Variants in GALNTL6 observed in about 807,000 individuals in gnomAD.
GALNTL6 encodes the protein polypeptide N-acetylgalactosaminyltransferase like 6.
In GALNTL6, 46 loss-of-function variants were observed where a neutral mutation model predicts 73.7. That is an observed-to-expected ratio of 0.62 (90% CI 0.49 to 0.80). The LOEUF is 0.80. Among genes scored for constraint, GALNTL6 ranks in the 30% least tolerant of loss-of-function variants. GALNTL6 has a pLI of 0.00. For synonymous variants in GALNTL6, 259 were observed against 263.7 expected (o/e 0.98, Z 0.17); for missense variants, 604 against 755.0 (o/e 0.80, Z 2.34).
At chr4:172,433,790 C>T (rs942473588) in intron 5 of GALNTL6, among the ~76,000 whole-genome samples, 5 of 151,988 alleles carry the variant, frequency 3.3e-5, no homozygotes, top group African/African-American at 1.2e-4. Context: ...ACTATTGGTT[C>T]TATTACTTTC....
chr4:172,004,526 T>C (rs1379366341), intron 2 of GALNTL6, among the ~76,000 whole-genome samples: 1 of 152,094 alleles, frequency 6.6e-6, no homozygotes, highest in East Asian at 1.9e-4. Flanking sequence ...CCTGCTCAGT[T>C]TTACTAATTA....
chr4:173,038,994 G>C (rs1353197522), intron 12 of GALNTL6, among the ~76,000 whole-genome samples: 1 of 152,180 alleles, frequency 6.6e-6, no homozygotes, highest in Non-Finnish European at 1.5e-5. Flanking sequence ...GACAACATTA[G>C]AGGTAAAATT....
chr4:172,977,337 C>T (rs575452613), intron 10 of GALNTL6, among the ~76,000 whole-genome samples: 3 of 152,128 alleles, frequency 2.0e-5, no homozygotes, highest in African/African-American at 4.8e-5. Context: ...AGAGGCACTG[C>T]CAAAATTTAC....
intron 2 of GALNTL6, among the ~76,000 whole-genome samples, chr4:171,840,935 T>C (rs114933702): frequency 9.2e-5 from 14 of 152,322 alleles, no homozygotes; most frequent in African/African-American, 2.6e-4. Flanking sequence ...GCTATTGTTA[T>C]CTCTCAAAAG....
At chr4:172,401,726 G>A (rs1490985768) in intron 5 of GALNTL6, among the ~76,000 whole-genome samples, 2 of 151,936 alleles carry the variant, frequency 1.3e-5, no homozygotes, top group Admixed American at 1.3e-4. Context: ...CACATTTGTG[G>A]CTAAATTAAA....
chr4:172,656,812 A>T (rs1221233610), intron 5 of GALNTL6, among the ~76,000 whole-genome samples: 1 of 152,260 alleles, frequency 6.6e-6, no homozygotes, highest in Non-Finnish European at 1.5e-5. Flanking sequence ...AAACTAGAGC[A>T]GACGTGCTTT....
chr4:172,712,778 A>C (rs184710041), intron 5 of GALNTL6, among the ~76,000 whole-genome samples: 75 of 152,344 alleles, frequency 4.9e-4, no homozygotes, highest in Admixed American at 2.5e-3. Flanking sequence ...TTGCATAACT[A>C]TCACCTGTCA....
rs1334651039 is a variant in GALNTL6, at chr4:172,673,520, C to T, written c.554-135841C>T. The stretch of plus-strand genomic sequence containing the variant: ...TCCAGTGCTGAGTTCAGGTCCTAAA[C>T]ATATTTGTTAGCTTTCTGTCTTGAT... On this transcript the variant is annotated intron_variant, in intron 5 of 12. Transcript: ENST00000506823. 2.0e-5 allele frequency among the ~76,000 whole-genome samples: 3 copies of T among 152,038 alleles called. No homozygotes were observed. The South Asian group carries it at 6.2e-4, about 32-fold the overall frequency.
intron 5 of GALNTL6, among the ~76,000 whole-genome samples, chr4:172,472,205 A>G (rs931772510): frequency 6.6e-6 from 1 of 152,146 alleles, no homozygotes; most frequent in Non-Finnish European, 1.5e-5. Flanking sequence ...GGGTCACTCA[A>G]TGTTCTGTAC....
intron 3 of GALNTL6, among the ~76,000 whole-genome samples, chr4:172,285,034 G>C (rs966597640): frequency 1.3e-5 from 2 of 152,158 alleles, no homozygotes; most frequent in Non-Finnish European, 2.9e-5. Flanking sequence ...GCTTTGCATA[G>C]TATGGTCATT....
At chr4:171,989,159 T>G (rs139339158) in intron 2 of GALNTL6, among the ~76,000 whole-genome samples, 4,107 of 151,870 alleles carry the variant, frequency 0.027, 80 homozygotes, top group Non-Finnish European at 0.035. Flanking sequence ...CCCTTGAAAA[T>G]AAGGTAATAT....
chr4:172,991,363 C>T (rs1425689076), intron 10 of GALNTL6, among the ~76,000 whole-genome samples: 2 of 151,706 alleles, frequency 1.3e-5, no homozygotes, highest in Admixed American at 6.6e-5. Context: ...CTTTTGTATT[C>T]ACGTATGATT....
At chr4:172,299,404 TAC>T (rs1427607987) in intron 3 of GALNTL6, among the ~76,000 whole-genome samples, 1 of 152,240 alleles carries the variant, frequency 6.6e-6, no homozygotes. Context: ...TCTTGCCTTC[TAC>T]TAGCTTTTGA....
At chr4:171,967,457 T>TGTTGTTTTTTG (rs1553976696) in intron 2 of GALNTL6, among the ~76,000 whole-genome samples, 4 of 105,382 alleles carry the variant, frequency 3.8e-5, no homozygotes, top group Middle Eastern at 5.6e-3. Flanking sequence ...GTTTTTTTTT[T>TGTTGTTTTTTG]TTTTTTTTGT....
At chr4:171,844,880 T>G (rs1735331363) in intron 2 of GALNTL6, among the ~76,000 whole-genome samples, 1 of 152,150 alleles carries the variant, frequency 6.6e-6, no homozygotes, top group African/African-American at 2.4e-5. Context: ...TCCAGCTGAT[T>G]GAGATCTCTG....
At chr4:172,762,215 A>G (rs936696227) in intron 5 of GALNTL6, among the ~76,000 whole-genome samples, 1 of 152,220 alleles carries the variant, frequency 6.6e-6, no homozygotes, top group Non-Finnish European at 1.5e-5. Context: ...TTGAGCAGCA[A>G]TGTTGCTTCT....
chr4:172,197,246 C>G (rs1227471057), intron 2 of GALNTL6, among the ~76,000 whole-genome samples: 1 of 151,930 alleles, frequency 6.6e-6, no homozygotes, highest in Non-Finnish European at 1.5e-5. Context: ...AGTGAAATAC[C>G]TCTTCAAGAA....
rs1187560229 is a variant in GALNTL6, at chr4:172,429,596, A to G, written c.553+80907A>G. Among the ~76,000 whole-genome samples the G allele has an allele frequency of 2.6e-5, 4 of 152,176 alleles. No individual in the cohort carries two copies. In the East Asian group the frequency reaches 7.7e-4, roughly 29 times the overall value. On this transcript the variant is annotated intron_variant, in intron 5 of 12. Transcript: ENST00000506823. Reference sequence around the variant, plus strand: ...AGCAGACATATTCTAGGGTTTTACTATTACATCAGGCAATCTTTCTATCAG... The same window carrying G: ...AGCAGACATATTCTAGGGTTTTACTGTTACATCAGGCAATCTTTCTATCAG...
intron 8 of GALNTL6, among the ~76,000 whole-genome samples, chr4:172,887,149 C>A (rs1234934859): frequency 1.3e-5 from 2 of 152,134 alleles, no homozygotes; most frequent in African/African-American, 4.8e-5. Flanking sequence ...CATGTTGCTG[C>A]AAAGGAAATG....
Sources: allele counts gnomAD v4.1 joint callset (sites outside exome capture counted in the v4.1 genomes callset), GRCh38; gene constraint gnomAD v4.1.1; transcripts MANE v1.5; gene names NCBI Gene and HGNC (gene_info 2026-07-23, HGNC 2026-07-21).